The following NBEA variants were observed in gnomAD, a reference collection of about 807,000 sequenced individuals.
NBEA encodes lysosomal-trafficking regulator 2.
NBEA carries 44 observed loss-of-function variants against 343.4 expected under a neutral mutation model. That is an observed-to-expected ratio of 0.13 (90% CI 0.10 to 0.16). The LOEUF is 0.16. Ranked by LOEUF, NBEA falls within the 10% of genes least tolerant of loss-of-function variation. The pLI, the probability that NBEA is intolerant of heterozygous loss-of-function variation, is 1.00. For synonymous variants in NBEA, 1,175 were observed against 1,238.7 expected, an observed-to-expected ratio of 0.95 and a Z score of 1.08; for missense variants, 2,555 against 3,631.3, an observed-to-expected ratio of 0.70 and a Z score of 7.62.
intron 17 of NBEA, among the ~76,000 whole-genome samples, chr13:35,125,866 T>A (rs1369415915): frequency 6.6e-6 from 1 of 151,536 alleles, no homozygotes; most frequent in Admixed American, 6.6e-5. Flanking sequence ...ACATAGCTTC[T>A]GAGAAAGAAC....
At chr13:35,450,532 T>A (rs2046258339) in intron 39 of NBEA, among the ~76,000 whole-genome samples, 1 of 152,030 alleles carries the variant, frequency 6.6e-6, no homozygotes, top group Non-Finnish European at 1.5e-5. Context: ...TAGGCAGTAA[T>A]GGACTGTTGG....
chr13:35,171,630 T>C (rs2070470606), intron 26 of NBEA, among the ~76,000 whole-genome samples, 178 bp downstream of exon 26: 1 of 152,074 alleles, frequency 6.6e-6, no homozygotes, highest in African/African-American at 2.4e-5. Context: ...TAAAAAATTA[T>C]GCCTTCACAT....
intron 38 of NBEA, among the ~76,000 whole-genome samples, chr13:35,389,496 T>C (rs1354745097): frequency 6.6e-6 from 1 of 152,124 alleles, no homozygotes; most frequent in Non-Finnish European, 1.5e-5. Flanking sequence ...TTTAAAATTC[T>C]GAAACCAAAA....
At chr13:34,986,727 G>T (rs1319574372) in intron 1 of NBEA, among the ~76,000 whole-genome samples, 1 of 150,774 alleles carries the variant, frequency 6.6e-6, no homozygotes, top group Non-Finnish European at 1.5e-5. Flanking sequence ...TCCTGTATTG[G>T]GTGCATATAT....
In NBEA at chr13:35,090,859, T is replaced by G. The variant is rs369854073; in HGVS notation, c.1572-7438T>G. 1.2e-4 allele frequency among the ~76,000 whole-genome samples: 18 copies of G among 151,942 alleles called. 1 individual carries two copies. In the East Asian group the frequency reaches 1.5e-3, roughly 13 times the overall value. ...TTTCACAGCTCTGAAAAGTGAATAA[T>G]AGCAGGTAGAATGGGGAACAAGAGC... On this transcript the variant is annotated intron_variant, in intron 10 of 58. Transcript: ENST00000379939.
chr13:35,251,831 C>T (rs1234568214), intron 34 of NBEA: 1 of 165,174 alleles, frequency 6.1e-6, no homozygotes, highest in Non-Finnish European at 1.3e-5. Context: ...GCTCCTCCAC[C>T]TGCTCTAGTG....
intron 35 of NBEA, among the ~76,000 whole-genome samples, chr13:35,303,448 C>T (rs2036685273): frequency 6.6e-6 from 1 of 152,088 alleles, no homozygotes; most frequent in South Asian, 2.1e-4. Context: ...TTTAAAACCA[C>T]ATATATCTTA....
chr13:35,040,895 C>T lies in NBEA; in HGVS notation c.295-38C>T, dbSNP rs757949208. The T allele has an allele frequency of 9.2e-6, 14 of 1,526,378 alleles. No homozygotes were observed. The East Asian group carries it at 3.2e-4, about 34-fold the overall frequency. The allele number at this position is 1,526,378 out of a possible 1,614,324, so 94.6% of individuals were successfully genotyped here. On this transcript the variant is annotated intron_variant, in intron 1 of 58. Coordinates refer to ENST00000379939, the MANE Select transcript of NBEA (RefSeq NM_001385012.1). ...TCATTCTACTGTCATCGATAACCTC[C>T]CATGTTAACACTATTGTTTCTTTCT...
At chr13:35,408,014 T>A (rs147682855) in intron 38 of NBEA, among the ~76,000 whole-genome samples, 4,497 of 152,238 alleles carry the variant, frequency 0.03, 102 homozygotes, top group Non-Finnish European at 0.045. Flanking sequence ...AAAACTATTT[T>A]AAAATTCATA....
At chr13:35,628,478 A>G (rs1245161050) in intron 49 of NBEA, among the ~76,000 whole-genome samples, 1 of 152,216 alleles carries the variant, frequency 6.6e-6, no homozygotes, top group Admixed American at 6.5e-5. Flanking sequence ...ATATCTGTAT[A>G]TTTGTTTTTC....
chr13:35,027,366 A>C (rs2062050737), intron 1 of NBEA, among the ~76,000 whole-genome samples: 1 of 151,900 alleles, frequency 6.6e-6, no homozygotes, highest in South Asian at 2.1e-4. Context: ...CCTTACAAGC[A>C]ATTTATGACA....
At chr13:35,540,610 A>G (rs1204560207) in intron 41 of NBEA, among the ~76,000 whole-genome samples, 1 of 152,192 alleles carries the variant, frequency 6.6e-6, no homozygotes, top group Non-Finnish European at 1.5e-5. Context: ...GTGTTTGAAG[A>G]TGAAGTAGAC....
chr13:35,281,215 TG>T (rs1179567506), intron 34 of NBEA, among the ~76,000 whole-genome samples: 1 of 152,136 alleles, frequency 6.6e-6, no homozygotes, highest in East Asian at 1.9e-4. Context: ...TCTGTGACTT[TG>T]GGGAATATCT....
chr13:35,192,610 T>G (rs1400010309), intron 30 of NBEA, among the ~76,000 whole-genome samples: 1 of 151,992 alleles, frequency 6.6e-6, no homozygotes, highest in Non-Finnish European at 1.5e-5. Context: ...ATATTTGATT[T>G]CTAGAAACTT....
At chr13:35,192,833 G>T (rs1023673643) in intron 30 of NBEA, among the ~76,000 whole-genome samples, 1 of 152,018 alleles carries the variant, frequency 6.6e-6, no homozygotes, top group Admixed American at 6.6e-5. Flanking sequence ...CTAGTGAAAT[G>T]CTTATATTCC....
At chr13:34,985,112 G>C (rs1333875720) in intron 1 of NBEA, among the ~76,000 whole-genome samples, 1 of 150,980 alleles carries the variant, frequency 6.6e-6, no homozygotes, top group Admixed American at 6.6e-5. Flanking sequence ...TCCTTGTCTT[G>C]TGCCAGTTTT....
intron 17 of NBEA, among the ~76,000 whole-genome samples, chr13:35,126,864 G>A (rs2067160278): frequency 6.6e-6 from 1 of 151,062 alleles, no homozygotes; most frequent in Non-Finnish European, 1.5e-5. Context: ...GTTGCAATGA[G>A]CTGAGACCGT....
chr13:35,658,538 T>G (rs1237129140), intron 55 of NBEA, among the ~76,000 whole-genome samples: 2 of 152,158 alleles, frequency 1.3e-5, no homozygotes, highest in African/African-American at 4.8e-5. Flanking sequence ...AACCTCTGAC[T>G]TTCTAGAGTT....
chr13:35,363,712 A>G (rs777208383), intron 38 of NBEA, among the ~76,000 whole-genome samples: 1 of 151,806 alleles, frequency 6.6e-6, no homozygotes, highest in Non-Finnish European at 1.5e-5. Flanking sequence ...CCATCCTAAA[A>G]CATCTATCCG....
Sources: gnomAD v4.1 joint callset for allele counts (sites outside exome capture counted in the v4.1 genomes callset) on GRCh38, gnomAD v4.1.1 for gene constraint, MANE v1.5 for transcripts, NCBI Gene and HGNC (gene_info 2026-07-23, HGNC 2026-07-21) for gene names.